The following ELAVL3 variants were observed in gnomAD, a reference collection of about 807,000 sequenced individuals.
ELAVL3 encodes the protein ELAV like RNA binding protein 3, also known as ELAV-like protein 3.
In ELAVL3, 8 loss-of-function variants were observed where a neutral mutation model predicts 34.2. The ratio of observed to expected loss-of-function variants is 0.23; its 90% CI spans 0.14 to 0.42. The LOEUF (loss-of-function observed/expected upper bound fraction) is 0.42. Among genes scored for constraint, ELAVL3 ranks in the 10% least tolerant of loss-of-function variants. The pLI is 1.00. For missense variants in ELAVL3, 273 were observed against 518.8 expected (o/e 0.53, Z 4.60); for synonymous variants, 209 against 222.1 (o/e 0.94, Z 0.53).
At position 11,454,398 on chromosome 19, in the gene ELAVL3, G is replaced by A. The variant is rs1342186954; in HGVS notation, c.*128C>T. 1.1e-5 allele frequency: 10 copies of A among 933,254 alleles called. No individual in the cohort carries two copies. In the East Asian group the frequency reaches 2.7e-4, roughly 25 times the overall value. 57.8% of individuals were successfully genotyped at this position (933,254 alleles called of 1,614,324 possible). A position where few individuals can be genotyped will look rare whatever the true frequency, so the allele number is the denominator to read the frequency against. ...CACCCTGTGGCTTCCGCAGGGACGT[G>A]GGGCCCTCGCGTCGTCCGTGGGGCT... On this transcript the variant is annotated 3_prime_UTR_variant, in exon 7 of 7. Coordinates refer to ENST00000359227, the MANE Select transcript of ELAVL3 (RefSeq NM_001420.4). The surrounding 1 kb of genome is among the most constrained non-coding windows in gnomAD (Gnocchi z 9.2).
At chr19:11,457,216 C>T (rs373227487) in intron 5 of ELAVL3, 68 bp from the exon 6 acceptor site, 84 of 1,476,656 alleles carry the variant, frequency 5.7e-5, no homozygotes, top group Non-Finnish European at 7.3e-5. Context: ...CACCGTCGGC[C>T]TGCCCTCCCC....
chr19:11,480,390 T>C lies in ELAVL3; in HGVS notation c.9+210A>G. The C allele has an allele frequency of 2.1e-6, 1 of 484,720 alleles. No individual in the cohort carries two copies. Among genetic ancestry groups the C allele is most frequent in the East Asian group, 3.6e-5 (1 of 28,040 alleles). The allele number at this position is 484,720 out of a possible 1,614,324, so 30.0% of individuals were successfully genotyped here. On this transcript the variant is annotated intron_variant, in intron 1 of 6. Transcript: ENST00000359227. The surrounding 1 kb of genome is among the most constrained non-coding windows in gnomAD (Gnocchi z 6.8). ...CCTCCCGAATCGCAGTCAGTCTCCC[T>C]AAGGCCCTCTCAGACCAAGCTCTAA...
intron 1 of ELAVL3, among the ~76,000 whole-genome samples, chr19:11,472,417 T>C (rs902562829): frequency 6.6e-6 from 1 of 152,062 alleles, no homozygotes; most frequent in African/African-American, 2.4e-5. Context: ...AAACCACATT[T>C]AGGCAAGGCG....
rs377723978 is a variant in ELAVL3, at chr19:11,458,429, G to A, written c.487+29C>T. 26 of 1,613,266 alleles carry A rather than the reference G, an allele frequency of 1.6e-5. No individual in the cohort carries two copies. In the African/African-American group the frequency reaches 2.1e-4, roughly 13 times the overall value. On this transcript the variant is annotated intron_variant, in intron 4 of 6. Coordinates refer to ENST00000359227, the MANE Select transcript of ELAVL3 (RefSeq NM_001420.4). The surrounding 1 kb of genome is among the most constrained non-coding windows in gnomAD (Gnocchi z 7.3). The stretch of plus-strand genomic sequence containing the variant: ...CTGACTGCCTTTGCCCAGCGCCCCC[G>A]CCAGGTGCACCCTCCCTGACTGCCT...
chr19:11,455,874 C>T (rs1970758085), intron 6 of ELAVL3, among the ~76,000 whole-genome samples: 1 of 152,218 alleles, frequency 6.6e-6, no homozygotes, highest in South Asian at 2.1e-4. Context: ...GCTCCACTCA[C>T]ATTCCTCACT....
In ELAVL3 at chr19:11,454,916, G is replaced by A. The variant is rs758314182; in HGVS notation, c.753-39C>T. 9 of 1,553,082 alleles carry A rather than the reference G, an allele frequency of 5.8e-6. No individual in the cohort carries two copies. Among genetic ancestry groups the A allele is most frequent in the African/African-American group, 4.1e-5 (3 of 73,796 alleles). On this transcript the variant is annotated intron_variant, in intron 6 of 6. Transcript: ENST00000359227. The surrounding 1 kb of genome is among the most constrained non-coding windows in gnomAD (Gnocchi z 9.2). ...CACGCGGGCTCTGCCCTGACCCCCC[G>A]CATGCTTCTGACCCCGTTGTGACCC...
chr19:11,476,913 TAA>T (rs1421632818), intron 1 of ELAVL3, among the ~76,000 whole-genome samples: 1 of 149,874 alleles, frequency 6.7e-6, no homozygotes, highest in Non-Finnish European at 1.5e-5. Context: ...ATTAGAAAAA[TAA>T]AATAAAAAAT....
At chr19:11,470,058 AAAAT>A (rs1462482236) in intron 1 of ELAVL3, among the ~76,000 whole-genome samples, 1 of 152,126 alleles carries the variant, frequency 6.6e-6, no homozygotes, top group Non-Finnish European at 1.5e-5. Context: ...CCCTGTCTCA[AAAAT>A]AAATAAATAA....
rs142570868 is a variant in ELAVL3 at position 11,459,163 on chromosome 19, G to A, written c.334-552C>T. Among the ~76,000 whole-genome samples the A allele has an allele frequency of 5.2e-4, 68 of 131,362 alleles. No individual in the cohort carries two copies. In the East Asian group the frequency reaches 0.011, roughly 21 times the overall value. The allele number at this position is 131,362 out of a possible 152,430, so 86.2% of individuals were successfully genotyped here. On this transcript the variant is annotated intron_variant, in intron 3 of 6. Coordinates refer to ENST00000359227, the MANE Select transcript of ELAVL3 (RefSeq NM_001420.4). ...TTTTGAGATGGAGTGTTGCTCTGTC[G>A]CCAGGCTGGAGTGCAATGGCGACAT...
At position 11,480,696 on chromosome 19, in the gene ELAVL3, G is replaced by T; in HGVS notation, c.-88C>A. The T allele has an allele frequency of 2.4e-6, 3 of 1,276,162 alleles. No homozygotes were observed. Among genetic ancestry groups the T allele is most frequent in the African/African-American group, 1.5e-5 (1 of 65,414 alleles). 79.1% of individuals were successfully genotyped at this position (1,276,162 alleles called of 1,614,324 possible). On this transcript the variant is annotated 5_prime_UTR_variant, in exon 1 of 7. Transcript: ENST00000359227. This position sits in a 1 kb window ranked among gnomAD's most constrained non-coding sequence, Gnocchi z 6.8. ...GGGGGCGCCCGATGCTCACGCTGGG[G>T]TCCCGCCCGGGCGGCCTCTGGTGCG...
intron 1 of ELAVL3, among the ~76,000 whole-genome samples, chr19:11,471,439 C>G (rs1971162185): frequency 6.6e-6 from 1 of 151,368 alleles, no homozygotes; most frequent in African/African-American, 2.4e-5. Context: ...GTGGTGAAAC[C>G]CCATCTCTAC....
chr19:11,470,715 T>A (rs1971147190), intron 1 of ELAVL3, among the ~76,000 whole-genome samples: 1 of 152,024 alleles, frequency 6.6e-6, no homozygotes, highest in Non-Finnish European at 1.5e-5. Context: ...ATGGTATAAG[T>A]TAACTTTGCT....
chr19:11,455,099 A>T (rs1970741046), intron 6 of ELAVL3, among the ~76,000 whole-genome samples: 2 of 151,742 alleles, frequency 1.3e-5, no homozygotes, highest in African/African-American at 4.8e-5. Context: ...CCTGGGCTCA[A>T]GCAAACCTCC....
At chr19:11,464,855 AACAC>A (rs1251755004) in intron 3 of ELAVL3, among the ~76,000 whole-genome samples, 3 of 110,484 alleles carry the variant, frequency 2.7e-5, no homozygotes, top group Non-Finnish European at 1.8e-5. Context: ...ACACATACAC[AACAC>A]ACACACCACA....
intron 3 of ELAVL3, among the ~76,000 whole-genome samples, chr19:11,464,123 G>GTCTC (rs1165917141): frequency 0.011 from 1,166 of 110,874 alleles, 20 homozygotes; most frequent in African/African-American, 0.015. Context: ...GTCTCTCTCT[G>GTCTC]TCTCTCTCTC....
Position 11,458,527 on chromosome 19 carries a change from C to G in ELAVL3, c.418G>C (p.Glu140Gln). The G allele has an allele frequency of 6.2e-7, 1 of 1,614,186 alleles. No individual in the cohort carries two copies. The highest frequency in any genetic ancestry group is 8.5e-7 in the Non-Finnish European group (1 of 1,180,046). The change falls in exon 4 of 7, where the codon GAG becomes CAG. Residue 140 changes from glutamate to glutamine, a missense_variant. By Grantham distance (29) the Glu-to-Gln change is conservative. Coordinates refer to ENST00000359227, the MANE Select transcript of ELAVL3 (RefSeq NM_001420.4). The surrounding 1 kb of genome is among the most constrained non-coding windows in gnomAD (Gnocchi z 7.3). ...TACTGGGAGAAGAGCTGCTCCATCTCTTTCTGGCTCATGGTCTTGGGGAGC... is the reference window on the plus strand; with the variant it reads ...TACTGGGAGAAGAGCTGCTCCATCTGTTTCTGGCTCATGGTCTTGGGGAGC... ...SGLPKTMSQK[E>Q]MEQLFSQYGR...
rs955912470 is a variant in ELAVL3, at chr19:11,452,099, A to T, written c.*2427T>A. On this transcript the variant is annotated 3_prime_UTR_variant, in exon 7 of 7. Transcript: ENST00000359227. The stretch of plus-strand genomic sequence containing the variant: ...TCACCAGCTAAATAGGACTGAAAAA[A>T]TTCTCAAGACAAGAGCAAAAAGAAT... 6.6e-6 allele frequency: 1 copy of T among 152,222 alleles called. No homozygotes were observed. Among genetic ancestry groups the T allele is most frequent in the East Asian group, 1.9e-4 (1 of 5,196 alleles). 9.4% of individuals were successfully genotyped at this position (152,222 alleles called of 1,614,324 possible).
intron 1 of ELAVL3, among the ~76,000 whole-genome samples, chr19:11,472,458 T>A (rs1234350243): frequency 6.6e-6 from 1 of 152,322 alleles, no homozygotes; most frequent in Middle Eastern, 3.4e-3. Context: ...CCCAGTACTT[T>A]GGGAGGCCGA....
rs968477850 is a variant in ELAVL3 at position 11,453,586 on chromosome 19, C to G, written c.*940G>C. ...CATCTGTGGTCTGTGTCCACATGGA[C>G]GTAGCCCCAGCTTCTGTCTCTTTCT... On this transcript the variant is annotated 3_prime_UTR_variant, in exon 7 of 7. Coordinates refer to ENST00000359227, the MANE Select transcript of ELAVL3 (RefSeq NM_001420.4). 1 of 152,838 alleles carries G rather than the reference C, an allele frequency of 6.5e-6. No individual in the cohort carries two copies. Among genetic ancestry groups the G allele is most frequent in the South Asian group, 2.1e-4 (1 of 4,838 alleles). 9.5% of individuals were successfully genotyped at this position (152,838 alleles called of 1,614,324 possible). A position where few individuals can be genotyped will look rare whatever the true frequency, so the allele number is the denominator to read the frequency against.
Sources: allele counts gnomAD v4.1 joint callset (sites outside exome capture counted in the v4.1 genomes callset), GRCh38; gene constraint gnomAD v4.1.1; non-coding constraint Gnocchi (gnomAD v3.1); transcripts MANE v1.5; gene names NCBI Gene and HGNC (gene_info 2026-07-23, HGNC 2026-07-21).